TUBGCP5: variants seen among roughly 807,000 people sequenced by gnomAD.
The protein encoded by TUBGCP5 is gamma-tubulin complex component 5.
Under a neutral mutation model 134.7 loss-of-function variants are expected in TUBGCP5, and 98 were observed. That is an observed-to-expected ratio of 0.73 (90% CI 0.62 to 0.86). The LOEUF is 0.86. Among genes scored for constraint, TUBGCP5 ranks in the 40% least tolerant of loss-of-function variants. The probability of loss-of-function intolerance (pLI) is 0.00; values close to 1 mark genes in which losing one functional copy is unlikely to be tolerated. For missense variants in TUBGCP5, 1,150 were observed against 1,244.8 expected (o/e 0.92, Z 1.15); for synonymous variants, 456 against 431.4 (o/e 1.06, Z -0.71).
intron 1 of TUBGCP5, 121 bp from the exon 2 acceptor site, chr15:23,037,273 G>A: frequency 1.1e-6 from 1 of 936,054 alleles, no homozygotes; most frequent in Non-Finnish European, 1.7e-6. Flanking sequence ...AGAATGGAGT[G>A]TACCTTGTCC....
chr15:22,990,391 C>T (rs144824458), intron 23 of TUBGCP5, among the ~76,000 whole-genome samples: 2 of 152,322 alleles, frequency 1.3e-5, no homozygotes, highest in African/African-American at 4.8e-5. Flanking sequence ...CAGGCCAAGG[C>T]TGGAGCCAAG....
downstream of TUBGCP5, among the ~76,000 whole-genome samples, chr15:22,994,276 G>C (rs1241962063): frequency 6.6e-6 from 1 of 151,948 alleles, no homozygotes; most frequent in Non-Finnish European, 1.5e-5. Flanking sequence ...TTTTAGTAGA[G>C]ACGGGGTTTC....
intron 11 of TUBGCP5, among the ~76,000 whole-genome samples, chr15:23,020,610 A>G (rs1165840476): frequency 1.3e-5 from 2 of 151,884 alleles, no homozygotes; most frequent in East Asian, 1.9e-4. Flanking sequence ...AAAAAAAGAA[A>G]AAAAGAAATA....
chr15:23,009,242 G>A (rs985810821), intron 15 of TUBGCP5, among the ~76,000 whole-genome samples: 3 of 151,104 alleles, frequency 2.0e-5, no homozygotes, highest in Non-Finnish European at 2.9e-5. Context: ...AGTTCCTACC[G>A]TATTATATCT....
intron 15 of TUBGCP5, 35 bp from the exon 16 acceptor site, chr15:23,008,916 C>T: frequency 6.7e-7 from 1 of 1,496,878 alleles, no homozygotes. Context: ...ACTAAGATCT[C>T]TGGCATTCGT....
downstream of TUBGCP5, chr15:22,997,016 C>T (rs8028399): frequency 0.089 from 13,502 of 152,008 alleles, 1,072 homozygotes; most frequent in East Asian, 0.46. Flanking sequence ...CCTTCATACA[C>T]TCTGAACATA....
chr15:23,020,320 T>C (rs1291732370), intron 11 of TUBGCP5, among the ~76,000 whole-genome samples: 4 of 151,876 alleles, frequency 2.6e-5, no homozygotes, highest in Admixed American at 6.6e-5. Context: ...GGCAGGAGAA[T>C]AGTTTGAACC....
At chr15:23,020,601 A>AAAAAAAAAAAAAAAAAAAAAG (rs2065624028) in intron 11 of TUBGCP5, among the ~76,000 whole-genome samples, 1 of 151,182 alleles carries the variant, frequency 6.6e-6, no homozygotes, top group African/African-American at 2.4e-5. Flanking sequence ...AAAAAAAAAA[A>AAAAAAAAAAAAAAAAAAAAAG]AAAAAGAAAA....
chr15:22,985,309 C>A (rs1595766345), intron 23 of TUBGCP5, among the ~76,000 whole-genome samples: 1 of 152,128 alleles, frequency 6.6e-6, no homozygotes, highest in African/African-American at 2.4e-5. Flanking sequence ...ACCTCCACCT[C>A]CCGAGTTAAA....
chr15:22,988,067 T>C (rs749432401), intron 23 of TUBGCP5, among the ~76,000 whole-genome samples: 7 of 151,614 alleles, frequency 4.6e-5, no homozygotes, highest in Non-Finnish European at 1.0e-4. Flanking sequence ...GAACTATGAG[T>C]AATACATTTC....
At chr15:23,036,108 C>T (rs75149571) in intron 3 of TUBGCP5, among the ~76,000 whole-genome samples, 4,480 of 152,226 alleles carry the variant, frequency 0.029, 167 homozygotes, top group African/African-American at 0.085. Context: ...GTTCAGGGAA[C>T]CCACAGCTGT....
At chr15:23,016,497 G>GGA (rs1555439149) in intron 13 of TUBGCP5, among the ~76,000 whole-genome samples, 1 of 102,834 alleles carries the variant, frequency 9.7e-6, no homozygotes, top group African/African-American at 3.5e-5. Context: ...TCTGTCTCAG[G>GGA]AAAAAAAAAA....
chr15:22,987,454 A>ACCTG (rs1379249575), intron 23 of TUBGCP5, among the ~76,000 whole-genome samples: 1 of 152,002 alleles, frequency 6.6e-6, no homozygotes, highest in Non-Finnish European at 1.5e-5. Flanking sequence ...CCCAGCAAAT[A>ACCTG]CCTGTGTCAA....
At chr15:23,020,988 A>G (rs1355913943) in intron 11 of TUBGCP5, among the ~76,000 whole-genome samples, 2 of 152,124 alleles carry the variant, frequency 1.3e-5, no homozygotes, top group African/African-American at 4.8e-5. Flanking sequence ...TCCCGGGTTC[A>G]AGCAATTCTC....
chr15:23,003,208 C>A lies in TUBGCP5; in HGVS notation c.2839-55G>T, dbSNP rs2289815. Reference sequence around the variant, plus strand: ...GTGTAACTAGGTTTGGACACTGATACCAACACTTTTACCTATTTTAAATGA... The same window carrying A: ...GTGTAACTAGGTTTGGACACTGATAACAACACTTTTACCTATTTTAAATGA... On this transcript the variant is annotated intron_variant, in intron 20 of 22. Transcript: ENST00000615383. 0.16 allele frequency: 241,452 copies of A among 1,516,656 alleles called. 20,918 individuals carry two copies. The highest frequency in any genetic ancestry group is 0.21 in the South Asian group (18,205 of 88,296). 93.9% of individuals were successfully genotyped at this position (1,516,656 alleles called of 1,614,324 possible). A position where few individuals can be genotyped will look rare whatever the true frequency, so the allele number is the denominator to read the frequency against.
intron 23 of TUBGCP5, among the ~76,000 whole-genome samples, chr15:22,993,130 C>T (rs1398476632): frequency 2.6e-5 from 4 of 152,266 alleles, no homozygotes; most frequent in South Asian, 2.1e-4. Flanking sequence ...GATTGAGTCT[C>T]GCTCTGTCGC....
chr15:23,039,307 G>A (rs1346815384), intron 1 of TUBGCP5, 91 bp downstream of exon 1: 7 of 1,218,484 alleles, frequency 5.7e-6, no homozygotes, highest in Admixed American at 4.4e-5. Flanking sequence ...CCCATGCCCT[G>A]CCCCAGCGCG....
chr15:23,032,873 T>C (rs2066394016), intron 3 of TUBGCP5, 49 bp from the exon 4 acceptor site: 3 of 1,361,730 alleles, frequency 2.2e-6, no homozygotes, highest in Admixed American at 4.8e-5. Flanking sequence ...GGAAATGCTT[T>C]CTACACCAGA....
intron 10 of TUBGCP5, among the ~76,000 whole-genome samples, 174 bp from the exon 11 acceptor site, chr15:23,022,335 TCA>T (rs1178567966): frequency 2.0e-5 from 3 of 152,032 alleles, no homozygotes; most frequent in Non-Finnish European, 4.4e-5. Flanking sequence ...CTCCTGCAAG[TCA>T]CAGAGAAAAA....
Sources: gnomAD v4.1 joint callset for allele counts (sites outside exome capture counted in the v4.1 genomes callset) on GRCh38, gnomAD v4.1.1 for gene constraint, MANE v1.5 for transcripts, NCBI Gene and HGNC (gene_info 2026-07-23, HGNC 2026-07-21) for gene names.